IKZF2: variants seen among roughly 807,000 people sequenced by gnomAD.
IKZF2 encodes zinc finger protein Helios.
Under a neutral mutation model 49.2 loss-of-function variants are expected in IKZF2, and 15 were observed. The ratio of observed to expected loss-of-function variants is 0.30; its 90% confidence interval spans 0.20 to 0.47. The LOEUF (loss-of-function observed/expected upper bound fraction) is 0.47, where lower values mean the gene tolerates loss of function less well. IKZF2 is among the 20% of genes least tolerant of loss of function. The pLI is 1.00. For synonymous variants in IKZF2, 227 were observed against 221.4 expected (o/e 1.03, Z -0.23); for missense variants, 567 against 664.6 (o/e 0.85, Z 1.61).
chr2:213,145,303 T>G (rs2061013113), intron 4 of IKZF2, among the ~76,000 whole-genome samples: 1 of 152,030 alleles, frequency 6.6e-6, no homozygotes, highest in Non-Finnish European at 1.5e-5. Context: ...TCACATTTAC[T>G]TTTAGCTTTA....
chr2:213,040,990 C>T (rs577617291), intron 6 of IKZF2, among the ~76,000 whole-genome samples: 70 of 152,122 alleles, frequency 4.6e-4, no homozygotes, highest in African/African-American at 1.3e-3. Flanking sequence ...TGGTGGTGCA[C>T]GCCTGTAATT....
intron 4 of IKZF2, among the ~76,000 whole-genome samples, chr2:213,113,715 G>C (rs1259080161): frequency 2.0e-5 from 3 of 152,068 alleles, no homozygotes; most frequent in African/African-American, 7.2e-5. Flanking sequence ...TGTACCTATT[G>C]ATACTTGGCA....
intron 5 of IKZF2, among the ~76,000 whole-genome samples, chr2:213,054,984 T>G (rs539279070): frequency 6.6e-6 from 1 of 152,290 alleles, no homozygotes; most frequent in East Asian, 1.9e-4. Context: ...AGTGAATCAC[T>G]GATTAACCTA....
intron 4 of IKZF2, among the ~76,000 whole-genome samples, chr2:213,103,629 T>C (rs1352224131): frequency 6.6e-6 from 1 of 152,172 alleles, no homozygotes; most frequent in Admixed American, 6.6e-5. Context: ...ACAATAAAAC[T>C]GTGACATCAC....
chr2:213,146,739 T>C (rs1204586971), intron 4 of IKZF2, among the ~76,000 whole-genome samples: 3 of 119,168 alleles, frequency 2.5e-5, no homozygotes, highest in Non-Finnish European at 5.2e-5. Flanking sequence ...ATGATTCACT[T>C]TTCTTAGTTA....
intron 6 of IKZF2, among the ~76,000 whole-genome samples, chr2:213,044,816 T>A (rs1367813982): frequency 6.6e-6 from 1 of 152,158 alleles, no homozygotes; most frequent in Non-Finnish European, 1.5e-5. Flanking sequence ...CAGAATCTGA[T>A]TTGAAGGGTT....
At chr2:213,096,540 A>C (rs1373261626) in intron 4 of IKZF2, among the ~76,000 whole-genome samples, 1 of 151,978 alleles carries the variant, frequency 6.6e-6, no homozygotes, top group Non-Finnish European at 1.5e-5. Flanking sequence ...CCATGTCATT[A>C]AGAAATTCTT....
chr2:213,028,230 T>C (rs1009223881), intron 6 of IKZF2, among the ~76,000 whole-genome samples: 1 of 152,148 alleles, frequency 6.6e-6, no homozygotes, highest in Admixed American at 6.6e-5. Context: ...CTGGACTCTA[T>C]TCCATTCCAT....
At position 213,049,374 on chromosome 2, in the gene IKZF2, T is replaced by C. The variant is rs77245550; in HGVS notation, c.574+339A>G. On this transcript the variant is annotated intron_variant, in intron 6 of 8. Coordinates refer to ENST00000434687, the MANE Select transcript of IKZF2 (RefSeq NM_001387220.1). Reference sequence around the variant, plus strand: ...ACAGTAACTCGAAACATAACTGATATTATACTGGATCTTCACTTATCTTGG... The same window carrying C: ...ACAGTAACTCGAAACATAACTGATACTATACTGGATCTTCACTTATCTTGG... 1.3e-3 allele frequency among the ~76,000 whole-genome samples: 205 copies of C among 152,226 alleles called. 2 individuals carry two copies. Among genetic ancestry groups the C allele is most frequent in the Middle Eastern group, 3.4e-3 (1 of 294 alleles).
intron 6 of IKZF2, among the ~76,000 whole-genome samples, chr2:213,043,450 C>G (rs1699856686): frequency 6.6e-6 from 1 of 151,968 alleles, no homozygotes; most frequent in Non-Finnish European, 1.5e-5. Flanking sequence ...ACAGTTATTA[C>G]CTGGAGGAAA....
At position 213,130,573 on chromosome 2, in the gene IKZF2, T is replaced by C. The variant is rs144549335; in HGVS notation, c.139+17135A>G. ...ATAATCTTACTAGTAGCTGAAAGTA[T>C]TTTACAGTAATTCAAAGGAAAAAAA... On this transcript the variant is annotated intron_variant, in intron 4 of 8. Transcript: ENST00000434687. Among the ~76,000 whole-genome samples the C allele has an allele frequency of 4.2e-3, 638 of 152,318 alleles. 4 individuals are homozygous for C. The highest frequency in any genetic ancestry group is 0.014 in the African/African-American group (597 of 41,576).
At chr2:213,124,505 T>C (rs2060192492) in intron 4 of IKZF2, among the ~76,000 whole-genome samples, 1 of 152,128 alleles carries the variant, frequency 6.6e-6, no homozygotes, top group Non-Finnish European at 1.5e-5. Flanking sequence ...TCTAACAGTC[T>C]GCAAACCATC....
At chr2:213,008,314 C>T (rs1438696011) in intron 8 of IKZF2, among the ~76,000 whole-genome samples, 2 of 151,518 alleles carry the variant, frequency 1.3e-5, no homozygotes, top group Non-Finnish European at 2.9e-5. Context: ...TCACTGCAAC[C>T]TCCACCTCTC....
chr2:213,085,300 C>G (rs762796476), intron 4 of IKZF2, among the ~76,000 whole-genome samples: 4 of 152,050 alleles, frequency 2.6e-5, no homozygotes, highest in African/African-American at 7.2e-5. Flanking sequence ...AAACAAAAAG[C>G]CTTTTGGACA....
At chr2:213,085,332 A>AT (rs1422608857) in intron 4 of IKZF2, among the ~76,000 whole-genome samples, 1 of 152,176 alleles carries the variant, frequency 6.6e-6, no homozygotes, top group African/African-American at 2.4e-5. Flanking sequence ...TATGAGCCAA[A>AT]TTTGCCAGCA....
chr2:213,064,886 G>A (rs1179376464), intron 4 of IKZF2, among the ~76,000 whole-genome samples: 3 of 151,970 alleles, frequency 2.0e-5, no homozygotes, highest in African/African-American at 7.2e-5. Flanking sequence ...ATATTCAGTT[G>A]TTAGATTAAT....
chr2:213,060,060 A>G (rs1701535173), intron 4 of IKZF2, among the ~76,000 whole-genome samples: 2 of 151,372 alleles, frequency 1.3e-5, no homozygotes, highest in South Asian at 4.2e-4. Context: ...TTGCATTTAC[A>G]TGATGCATAT....
intron 6 of IKZF2, among the ~76,000 whole-genome samples, chr2:213,025,228 T>C (rs1697687588): frequency 6.6e-6 from 1 of 152,162 alleles, no homozygotes; most frequent in Non-Finnish European, 1.5e-5. Flanking sequence ...GCAAATATGT[T>C]ATATGCATCC....
chr2:213,076,844 G>A (rs1165499515), intron 4 of IKZF2, among the ~76,000 whole-genome samples: 2 of 152,146 alleles, frequency 1.3e-5, no homozygotes, highest in Non-Finnish European at 2.9e-5. Context: ...CGGAGCTTGC[G>A]TGAGCGGAGA....
Sources: gnomAD v4.1 joint callset for allele counts (sites outside exome capture counted in the v4.1 genomes callset) on GRCh38, gnomAD v4.1.1 for gene constraint, MANE v1.5 for transcripts, NCBI Gene and HGNC (gene_info 2026-07-23, HGNC 2026-07-21) for gene names.